ANO3: variants seen among roughly 807,000 people sequenced by gnomAD.
ANO3 encodes the protein anoctamin 3.
Under a neutral mutation model 144.8 loss-of-function variants are expected in ANO3, and 99 were observed. That is an observed-to-expected ratio of 0.68 (90% CI 0.58 to 0.81). The LOEUF (loss-of-function observed/expected upper bound fraction) is 0.81, where lower values mean the gene tolerates loss of function less well. Ranked by LOEUF, ANO3 falls within the 30% of genes least tolerant of loss-of-function variation. The pLI, the probability that ANO3 is intolerant of heterozygous loss-of-function variation, is 0.00. For synonymous variants in ANO3, 414 were observed against 392.6 expected, an observed-to-expected ratio of 1.05 and a Z score of -0.64; for missense variants, 905 against 1,202.2, an observed-to-expected ratio of 0.75 and a Z score of 3.66.
chr11:26,457,248 A>C (rs142842129), intron 3 of ANO3, among the ~76,000 whole-genome samples: 213 of 17,806 alleles, frequency 0.012, 1 homozygote, highest in Middle Eastern at 0.053. Context: ...TAAAAAAAAA[A>C]CCTGCACGTT....
intron 14 of ANO3, among the ~76,000 whole-genome samples, chr11:26,568,426 A>G (rs1850682364): frequency 6.6e-6 from 1 of 151,938 alleles, no homozygotes; most frequent in Non-Finnish European, 1.5e-5. Flanking sequence ...GCAAAGGAAT[A>G]TAGAATTTGG....
chr11:26,314,013 A>G (rs560672472), intron 1 of ANO3, among the ~76,000 whole-genome samples: 13 of 152,210 alleles, frequency 8.5e-5, no homozygotes, highest in African/African-American at 3.1e-4. Flanking sequence ...TTATAATAAA[A>G]GGCAATACAT....
At chr11:26,391,030 T>C (rs1035800368) in intron 1 of ANO3, among the ~76,000 whole-genome samples, 3 of 152,176 alleles carry the variant, frequency 2.0e-5, no homozygotes, top group Non-Finnish European at 2.9e-5. Context: ...GTCCTTTTTC[T>C]CTTCCACCAC....
chr11:26,593,499 G>A (rs1394930346), intron 14 of ANO3, among the ~76,000 whole-genome samples: 3 of 152,110 alleles, frequency 2.0e-5, no homozygotes, highest in Non-Finnish European at 4.4e-5. Context: ...AGTGTCCTGG[G>A]GACAGTTAAA....
At chr11:26,387,826 A>G (rs914776969) in intron 1 of ANO3, among the ~76,000 whole-genome samples, 16 of 152,014 alleles carry the variant, frequency 1.1e-4, no homozygotes, top group Non-Finnish European at 7.4e-5. Context: ...CCAGGGGTCA[A>G]TATGTCCGGA....
intron 14 of ANO3, among the ~76,000 whole-genome samples, chr11:26,576,987 T>C (rs1851003304): frequency 6.6e-6 from 1 of 152,222 alleles, no homozygotes; most frequent in South Asian, 2.1e-4. Flanking sequence ...CTTCTCAACG[T>C]TGGCCCATTC....
At chr11:26,396,096 GA>G (rs972991175) in intron 1 of ANO3, among the ~76,000 whole-genome samples, 1 of 151,808 alleles carries the variant, frequency 6.6e-6, no homozygotes, top group African/African-American at 2.4e-5. Context: ...AAATTTACAA[GA>G]AAAAAACAAC....
At chr11:26,582,648 A>T (rs1851165209) in intron 14 of ANO3, among the ~76,000 whole-genome samples, 1 of 152,192 alleles carries the variant, frequency 6.6e-6, no homozygotes, top group Admixed American at 6.5e-5. Flanking sequence ...CATACTTTGG[A>T]TAGAAATACT....
chr11:26,643,453 C>T (rs564400071), intron 23 of ANO3, 119 bp downstream of exon 23: 5 of 1,289,976 alleles, frequency 3.9e-6, no homozygotes, highest in South Asian at 1.5e-5. Flanking sequence ...TATTAAGAGG[C>T]CTTTAAGAAG....
chr11:26,291,669 G>A (rs1853961770), intron 1 of ANO3, among the ~76,000 whole-genome samples: 1 of 152,144 alleles, frequency 6.6e-6, no homozygotes, highest in Non-Finnish European at 1.5e-5. Flanking sequence ...CACTTATGAA[G>A]CTTAGTTTGA....
chr11:26,205,248 A>C (rs1181280495), intron 1 of ANO3, among the ~76,000 whole-genome samples: 2 of 152,124 alleles, frequency 1.3e-5, no homozygotes, highest in Non-Finnish European at 2.9e-5. Context: ...ACTGTTTGCA[A>C]CTTTGGGCAT....
intron 1 of ANO3, among the ~76,000 whole-genome samples, chr11:26,366,221 A>C (rs1166226746): frequency 6.6e-6 from 1 of 151,322 alleles, no homozygotes; most frequent in African/African-American, 2.4e-5. Flanking sequence ...TTCAATTCTC[A>C]CCTATGAATG....
chr11:26,338,034 T>C (rs371461485), intron 1 of ANO3, among the ~76,000 whole-genome samples: 65 of 152,240 alleles, frequency 4.3e-4, no homozygotes, highest in African/African-American at 1.5e-3. Flanking sequence ...TCACCACCTC[T>C]GTGCCTTTGA....
intron 4 of ANO3, among the ~76,000 whole-genome samples, chr11:26,501,794 G>A (rs1861205336): frequency 6.6e-6 from 1 of 152,142 alleles, no homozygotes; most frequent in Non-Finnish European, 1.5e-5. Flanking sequence ...CACATACAGA[G>A]ACTAGATTTA....
intron 1 of ANO3, among the ~76,000 whole-genome samples, chr11:26,200,965 T>A (rs1033922739): frequency 6.6e-6 from 1 of 152,190 alleles, no homozygotes; most frequent in Non-Finnish European, 1.5e-5. Context: ...TTTTATTGAA[T>A]ATCCACATTG....
chr11:26,235,791 C>T (rs1483210941), intron 1 of ANO3, among the ~76,000 whole-genome samples: 2 of 138,066 alleles, frequency 1.4e-5, no homozygotes, highest in Non-Finnish European at 3.3e-5. Context: ...ACTACCACTC[C>T]TATTGATTCT....
At chr11:26,539,403 A>T (rs398314) in intron 10 of ANO3, among the ~76,000 whole-genome samples, 2 of 151,904 alleles carry the variant, frequency 1.3e-5, no homozygotes, top group Admixed American at 6.6e-5. Context: ...AGAATGATGT[A>T]GCTGATTGAG....
chr11:26,441,967 G>A lies in ANO3; in HGVS notation c.96G>A (p.Pro32=), dbSNP rs780379245. 6.8e-6 allele frequency: 11 copies of A among 1,613,774 alleles called. No individual in the cohort carries two copies. Among genetic ancestry groups the A allele is most frequent in the African/African-American group, 6.7e-5 (5 of 74,852 alleles). The change falls in exon 2 of 27, where the codon CCG becomes CCA. Residue 32 remains proline, a synonymous_variant. Transcript: ENST00000256737. The stretch of plus-strand genomic sequence containing the variant: ...TAACAAAAGAAACTTCGTTAAAACC[G>A]TCTCGGAGATCCCTGCCTTGCCTCG... ...SEITKETSLK[P]SRRSLPCLAQ...
intron 1 of ANO3, among the ~76,000 whole-genome samples, chr11:26,408,458 TA>T (rs1225603159): frequency 1.3e-5 from 2 of 151,468 alleles, no homozygotes; most frequent in Admixed American, 1.3e-4. Flanking sequence ...TGGCAATCAT[TA>T]AAAAGTCAGG....
Sources: allele counts gnomAD v4.1 joint callset (sites outside exome capture counted in the v4.1 genomes callset), GRCh38; gene constraint gnomAD v4.1.1; transcripts MANE v1.5; gene names NCBI Gene and HGNC (gene_info 2026-07-23, HGNC 2026-07-21).